The following RGL1 variants were observed in gnomAD, a reference collection of about 807,000 sequenced individuals.
RGL1 encodes ral guanine nucleotide dissociation stimulator-like 1.
RGL1 carries 24 observed loss-of-function variants against 95.2 expected under a neutral mutation model. The observed-to-expected ratio is 0.25, with a 90% CI of 0.18 to 0.35. RGL1 has a LOEUF of 0.35. RGL1 is among the 10% of genes least tolerant of loss of function. RGL1 has a pLI of 1.00. For synonymous variants in RGL1, 329 were observed against 344.9 expected (o/e 0.95, Z 0.51); for missense variants, 715 against 936.3 (o/e 0.76, Z 3.08).
chr1:183,872,125 C>T (rs184157676), intron 4 of RGL1, among the ~76,000 whole-genome samples: 50 of 152,240 alleles, frequency 3.3e-4, no homozygotes, highest in Non-Finnish European at 5.7e-4. Flanking sequence ...CATTTTTACA[C>T]GATAAAATGC....
At chr1:183,859,998 T>A (rs1222908693) in intron 3 of RGL1, among the ~76,000 whole-genome samples, 2 of 152,194 alleles carry the variant, frequency 1.3e-5, no homozygotes, top group Non-Finnish European at 2.9e-5. Flanking sequence ...TCACCAGACA[T>A]CTGCAGGCTA....
At chr1:183,844,274 T>A (rs1182946345) in intron 2 of RGL1, among the ~76,000 whole-genome samples, 1 of 152,222 alleles carries the variant, frequency 6.6e-6, no homozygotes, top group Non-Finnish European at 1.5e-5. Flanking sequence ...CATTTGAAAA[T>A]AAAAATTAAC....
intron 2 of RGL1, among the ~76,000 whole-genome samples, chr1:183,796,247 C>A (rs1335944822): frequency 6.6e-6 from 1 of 151,304 alleles, no homozygotes; most frequent in East Asian, 1.9e-4. Flanking sequence ...TCACTGCAAC[C>A]TCTGCCTCCT....
In RGL1 at chr1:183,712,514, T is replaced by C. The variant is rs187105244; in HGVS notation, c.-32-29612T>C. Reference sequence around the variant, plus strand: ...GAGAGAGAGTGTGTGTGTGTGCACGTGTGCACACATGCACACACATTCATG... The same window carrying C: ...GAGAGAGAGTGTGTGTGTGTGCACGCGTGCACACATGCACACACATTCATG... On this transcript the variant is annotated intron_variant, in intron 1 of 18. Coordinates refer to the RGL1 transcript ENST00000304685. 2.5e-3 allele frequency among the ~76,000 whole-genome samples: 377 copies of C among 152,294 alleles called. 3 individuals carry two copies. The highest frequency in any genetic ancestry group is 0.019 in the South Asian group (91 of 4,824).
intron 4 of RGL1, among the ~76,000 whole-genome samples, chr1:183,868,372 G>A (rs1256074617): frequency 6.6e-6 from 1 of 152,068 alleles, no homozygotes; most frequent in Non-Finnish European, 1.5e-5. Context: ...TTTATAGGAG[G>A]GAAACAATAT....
At chr1:183,797,614 T>C (rs1010429754) in intron 2 of RGL1, among the ~76,000 whole-genome samples, 6 of 152,244 alleles carry the variant, frequency 3.9e-5, no homozygotes, top group African/African-American at 7.2e-5. Flanking sequence ...AAAATCAGCT[T>C]GGTCCCTCAG....
chr1:183,737,156 G>A (rs768927965), intron 1 of RGL1, among the ~76,000 whole-genome samples: 7 of 152,178 alleles, frequency 4.6e-5, no homozygotes, highest in Non-Finnish European at 1.0e-4. Context: ...CAAAAAAAGG[G>A]CATCCATGGA....
intron 2 of RGL1, among the ~76,000 whole-genome samples, chr1:183,815,847 A>C (rs534456558): frequency 2.8e-4 from 43 of 152,260 alleles, no homozygotes; most frequent in Non-Finnish European, 4.9e-4. Context: ...GGCTCTCGTC[A>C]GCACCCCCAC....
Position 183,900,225 on chromosome 1 carries a change from G to T in RGL1, c.1306G>T (p.Asp436Tyr). The change falls in exon 11 of 18, where the codon GAC becomes TAC. Residue 436 changes from aspartate to tyrosine, a missense_variant. Asp to Tyr is a radical substitution (Grantham distance 160). This residue lies in a region of RGL1 where 330 missense variants were observed against 429.6 expected (regional missense o/e 0.77). Transcript: ENST00000360851. The stretch of plus-strand genomic sequence containing the variant: ...GACCATGCTTGACACTGCCCTTCAG[G>T]ACTACATCGAGGTGAGTTCCATGTG... ...DLTMLDTALQDYIEGGLINFE... is the reference protein window; with the variant it reads ...DLTMLDTALQYYIEGGLINFE... 3 of 1,613,798 alleles carry T rather than the reference G, an allele frequency of 1.9e-6. No homozygotes were observed. Among genetic ancestry groups the T allele is most frequent in the Non-Finnish European group, 2.5e-6 (3 of 1,179,726 alleles).
In RGL1 at chr1:183,647,768, A is replaced by G. The variant is rs1572218174; in HGVS notation, c.-33+11267A>G. The stretch of plus-strand genomic sequence containing the variant: ...TTTCCACTATCTCCACTGACCTTCC[A>G]GTGGGAAGCCTTCCAAGGTCCTTGG... On this transcript the variant is annotated intron_variant, in intron 1 of 18. Coordinates refer to the RGL1 transcript ENST00000304685. 9.3e-6 allele frequency: 15 copies of G among 1,614,082 alleles called. No individual in the cohort carries two copies. In the East Asian group the frequency reaches 3.3e-4, roughly 36 times the overall value.
chr1:183,881,942 A>G (rs1325685160), intron 5 of RGL1, among the ~76,000 whole-genome samples: 1 of 152,178 alleles, frequency 6.6e-6, no homozygotes, highest in East Asian at 1.9e-4. Flanking sequence ...AGCTCTCCCC[A>G]CTGGGGCTGC....
intron 7 of RGL1, among the ~76,000 whole-genome samples, chr1:183,886,669 C>T (rs920662826): frequency 2.0e-5 from 3 of 152,080 alleles, no homozygotes; most frequent in African/African-American, 4.8e-5. Flanking sequence ...GGTGATATCA[C>T]TTCCTAATAC....
intron 1 of RGL1, among the ~76,000 whole-genome samples, chr1:183,636,755 C>A (rs1649564160): frequency 6.6e-6 from 1 of 152,080 alleles, no homozygotes; most frequent in Non-Finnish European, 1.5e-5. Flanking sequence ...TATATGATTC[C>A]ATCTAGGCCA....
At chr1:183,636,117 G>C (rs992828749) in exon 1 of RGL1, 10 of 399,346 alleles carry the variant, frequency 2.5e-5, no homozygotes, top group East Asian at 7.1e-5. Context: ...TCAGATTGGC[G>C]GGGATGGGCA....
chr1:183,799,159 C>A (rs958905686), intron 2 of RGL1, among the ~76,000 whole-genome samples: 1 of 152,118 alleles, frequency 6.6e-6, no homozygotes, highest in Non-Finnish European at 1.5e-5. Context: ...GCCTCGGCCT[C>A]CCAAAGTGCT....
rs778051987 is a variant in RGL1, at chr1:183,916,573, C to T, written c.1876C>T (p.Arg626Cys). The T allele has an allele frequency of 3.1e-6, 5 of 1,613,990 alleles. No individual in the cohort carries two copies. The highest frequency in any genetic ancestry group is 3.4e-6 in the Non-Finnish European group (4 of 1,179,986). Reference protein sequence around the residue: ...SCNNNPKIHKRSVSVTSITST... With the variant: ...SCNNNPKIHKCSVSVTSITST... ...CAACAACAACCCCAAAATCCACAAGCGCTCTGTCTCGGTGACGTCCATTAC... is the reference window on the plus strand; with the variant it reads ...CAACAACAACCCCAAAATCCACAAGTGCTCTGTCTCGGTGACGTCCATTAC... Residue 626 changes from arginine to cysteine, a missense_variant, in exon 16 of 18, where the codon CGC (arginine) becomes TGC (cysteine). Physicochemically the swap from Arg to Cys is radical, Grantham distance 180. Coordinates refer to ENST00000360851, the MANE Select transcript of RGL1 (RefSeq NM_001297671.3).
intron 17 of RGL1, among the ~76,000 whole-genome samples, chr1:183,923,939 G>A (rs1572611812): frequency 6.6e-6 from 1 of 152,174 alleles, no homozygotes; most frequent in African/African-American, 2.4e-5. Context: ...TGCCTCTCTG[G>A]TTGCCTCCCC....
chr1:183,881,312 A>G (rs1666813515), intron 5 of RGL1, among the ~76,000 whole-genome samples: 3 of 152,220 alleles, frequency 2.0e-5, no homozygotes, highest in Non-Finnish European at 4.4e-5. Flanking sequence ...TCAGTATGGA[A>G]AAGCATCACT....
chr1:183,659,096 A>C (rs1364708282), intron 1 of RGL1, among the ~76,000 whole-genome samples: 1 of 152,108 alleles, frequency 6.6e-6, no homozygotes, highest in African/African-American at 2.4e-5. Context: ...ATAAAACCAC[A>C]AAGATGGGGA....
Sources: allele counts gnomAD v4.1 joint callset (sites outside exome capture counted in the v4.1 genomes callset), GRCh38; gene constraint gnomAD v4.1.1; regional missense constraint gnomAD v4.1.1; transcripts MANE v1.5; gene names NCBI Gene and HGNC (gene_info 2026-07-23, HGNC 2026-07-21).